EMC3: variants seen among roughly 807,000 people sequenced by gnomAD.
The protein encoded by EMC3 is 30 kDa protein.
Under a neutral mutation model 36.6 loss-of-function variants are expected in EMC3, and 13 were observed. The observed-to-expected ratio is 0.35, with a 90% CI of 0.23 to 0.56. The LOEUF (loss-of-function observed/expected upper bound fraction) is 0.56. Ranked by LOEUF, EMC3 falls within the 20% of genes least tolerant of loss-of-function variation. EMC3 has a pLI of 0.84. For synonymous variants in EMC3, 120 were observed against 111.9 expected (o/e 1.07, Z -0.46); for missense variants, 220 against 324.5 (o/e 0.68, Z 2.47).
At chr3:9,967,492 G>A (rs1165140430) in intron 7 of EMC3, among the ~76,000 whole-genome samples, 1 of 141,780 alleles carries the variant, frequency 7.1e-6, no homozygotes, top group African/African-American at 2.9e-5. Context: ...GAATAGTCTT[G>A]GTACCCTCTT....
At chr3:9,985,383 C>A (rs181051133) in intron 1 of EMC3, among the ~76,000 whole-genome samples, 1 of 152,270 alleles carries the variant, frequency 6.6e-6, no homozygotes, top group African/African-American at 2.4e-5. Context: ...GATATAGTAG[C>A]ACTTACCTGA....
chr3:9,997,614 C>G (rs1366446722), intron 1 of EMC3, among the ~76,000 whole-genome samples: 1 of 152,106 alleles, frequency 6.6e-6, no homozygotes, highest in African/African-American at 2.4e-5. Context: ...CGTGCACCAC[C>G]ACACCCAGCT....
upstream of EMC3, chr3:9,987,124 G>A: frequency 2.5e-6 from 2 of 815,820 alleles, no homozygotes; most frequent in Non-Finnish European, 3.0e-6. Context: ...TGAGGCAGGA[G>A]AATGGCGTGA....
chr3:10,005,355 G>A (rs756543261), intron 1 of EMC3: 2 of 152,162 alleles, frequency 1.3e-5, no homozygotes, highest in Non-Finnish European at 2.9e-5. Flanking sequence ...TTCAGAGAGG[G>A]GCAGATGCTG....
chr3:9,965,717 C>CT (rs918804348), intron 7 of EMC3, among the ~76,000 whole-genome samples: 7 of 152,132 alleles, frequency 4.6e-5, no homozygotes, highest in Non-Finnish European at 7.3e-5. Context: ...TCTTCCGTAT[C>CT]TTTTTTTCAC....
intron 1 of EMC3, among the ~76,000 whole-genome samples, chr3:9,999,471 C>T (rs2124935127): frequency 6.6e-6 from 1 of 152,202 alleles, no homozygotes; most frequent in Middle Eastern, 3.4e-3. Flanking sequence ...GATCTCTTGA[C>T]CTCGTGATCT....
intron 1 of EMC3, among the ~76,000 whole-genome samples, chr3:10,009,694 G>A (rs2086303166): frequency 6.6e-6 from 1 of 152,204 alleles, no homozygotes; most frequent in South Asian, 2.1e-4. Context: ...TCACAGTCCA[G>A]CAATCCTGCC....
At chr3:9,987,365 C>T, upstream of EMC3, 12 of 932,934 alleles carry the variant, frequency 1.3e-5, no homozygotes, top group Non-Finnish European at 1.5e-5. Context: ...TCTGGGGCTC[C>T]GCGCCCCAAG....
chr3:9,969,701 A>C lies in EMC3; in HGVS notation c.657+18T>G, dbSNP rs375705414. On this transcript the variant is annotated intron_variant, in intron 7 of 7. Coordinates refer to ENST00000245046, the MANE Select transcript of EMC3 (RefSeq NM_001394674.1). ...CTTTCAGAGCATTGCTGCAGCTTTG[A>C]AAGGTGAAGGAGTATACCTTGAAAG... The C allele has an allele frequency of 3.7e-5, 59 of 1,614,164 alleles. No homozygotes were observed. The African/African-American group carries it at 7.1e-4, about 19-fold the overall frequency.
intron 1 of EMC3, among the ~76,000 whole-genome samples, chr3:9,977,913 C>G (rs1478416014): frequency 6.6e-6 from 1 of 151,816 alleles, no homozygotes; most frequent in Non-Finnish European, 1.5e-5. Flanking sequence ...AAAATCTACC[C>G]AGAAGTCAGA....
Position 9,969,808 on chromosome 3 carries a change from C to T in EMC3, c.575-7G>A, listed in dbSNP as rs369009188. On this transcript the variant is annotated splice_region_variant and splice_polypyrimidine_tract_variant and intron_variant, in intron 6 of 7. Coordinates refer to ENST00000245046, the MANE Select transcript of EMC3 (RefSeq NM_001394674.1). ...ATTCGTGATTGGTCAGCGGCTGTAG[C>T]ATAAGACACACTTACATGAGTGCCA... 1.0e-4 allele frequency: 166 copies of T among 1,612,558 alleles called. No individual in the cohort carries two copies. The highest frequency in any genetic ancestry group is 1.4e-4 in the Non-Finnish European group (162 of 1,179,864).
intron 1 of EMC3, among the ~76,000 whole-genome samples, chr3:10,002,020 T>C (rs2086207377): frequency 6.6e-6 from 1 of 152,208 alleles, no homozygotes; most frequent in African/African-American, 2.4e-5. Context: ...TATATATATA[T>C]TGAAATCAGG....
chr3:9,990,321 T>TTC (rs1559355838), upstream of EMC3, among the ~76,000 whole-genome samples: 51 of 138,624 alleles, frequency 3.7e-4, no homozygotes, highest in Middle Eastern at 4.0e-3. Flanking sequence ...TGCCGGGCCT[T>TTC]TCTCTTTTTT....
intron 1 of EMC3, chr3:10,007,391 C>T (rs1362525314): frequency 7.3e-6 from 10 of 1,366,906 alleles, no homozygotes; most frequent in Non-Finnish European, 8.8e-6. Context: ...GGGAACCAGA[C>T]TGTGCTGGGG....
chr3:9,963,871 T>C lies in EMC3; in HGVS notation c.*198A>G, dbSNP rs1031117535. On this transcript the variant is annotated 3_prime_UTR_variant, in exon 8 of 8. Transcript: ENST00000245046. ...AGGAACATTTACAACATTTTAAAAA[T>C]AACAAGTTGCCCAGCATACTCCTAT... 7 of 734,808 alleles carry C rather than the reference T, an allele frequency of 9.5e-6. No individual in the cohort carries two copies. The African/African-American group carries it at 1.2e-4, about 13-fold the overall frequency. 45.5% of individuals were successfully genotyped at this position (734,808 alleles called of 1,614,324 possible).
chr3:9,981,452 T>C (rs2085911131), intron 1 of EMC3, among the ~76,000 whole-genome samples: 1 of 152,206 alleles, frequency 6.6e-6, no homozygotes, highest in Non-Finnish European at 1.5e-5. Flanking sequence ...TTTCTTAAGC[T>C]GAGATCCATA....
intron 1 of EMC3, among the ~76,000 whole-genome samples, chr3:10,010,667 CTTG>C (rs2086314266): frequency 6.6e-6 from 1 of 152,236 alleles, no homozygotes; most frequent in Admixed American, 6.5e-5. Context: ...TCAATGTTCA[CTTG>C]TTGGCATGAA....
chr3:9,993,400 A>G lies in EMC3; in HGVS notation c.-241-6498T>C, dbSNP rs1477370157. ...ATGTTTTGCTGGCTGAACGTTCAGT[A>G]TATTAACAGTATAGAACTTAGAAAA... is the stretch of plus-strand genomic sequence containing the variant. On this transcript the variant is annotated intron_variant, in intron 1 of 8. Coordinates refer to the EMC3 transcript ENST00000470827. Among the ~76,000 whole-genome samples, 4 of 152,240 alleles carry G rather than the reference A, an allele frequency of 2.6e-5. No homozygotes were observed. In the South Asian group the frequency reaches 6.2e-4, roughly 24 times the overall value.
rs200375417 is a variant in EMC3, at chr3:10,007,574, A to G, written c.-242+3449T>C. 2.3e-5 allele frequency: 32 copies of G among 1,367,386 alleles called. No individual in the cohort carries two copies. The East Asian group carries it at 1.2e-3, about 51-fold the overall frequency. The allele number at this position is 1,367,386 out of a possible 1,614,324, so 84.7% of individuals were successfully genotyped here. A position where few individuals can be genotyped will look rare whatever the true frequency, so the allele number is the denominator to read the frequency against. ...ACGTAGGAGTGCTTCTGGGTGAGGC[A>G]GGCATCCTGGGTGTCAGGGGAGGGT... is the stretch of plus-strand genomic sequence containing the variant. On this transcript the variant is annotated intron_variant, in intron 1 of 8. Coordinates refer to the EMC3 transcript ENST00000470827.
Sources: allele counts gnomAD v4.1 joint callset (sites outside exome capture counted in the v4.1 genomes callset), GRCh38; gene constraint gnomAD v4.1.1; transcripts MANE v1.5; gene names NCBI Gene and HGNC (gene_info 2026-07-23, HGNC 2026-07-21).